USP34: variants seen among roughly 807,000 people sequenced by gnomAD.
The protein encoded by USP34 is ubiquitin specific peptidase 34, also known as ubiquitin carboxyl-terminal hydrolase 34.
A neutral mutation model predicts 460.3 loss-of-function variants in USP34; 70 were observed. The observed-to-expected ratio is 0.15, with a 90% CI of 0.13 to 0.19. The LOEUF is 0.19. USP34 is among the 10% of genes least tolerant of loss of function. The probability of loss-of-function intolerance (pLI) is 1.00; values close to 1 mark genes in which losing one functional copy is unlikely to be tolerated. For missense variants in USP34, 3,985 were observed against 4,236.2 expected (o/e 0.94, Z 1.65); for synonymous variants, 1,647 against 1,405.3 (o/e 1.17, Z -3.85).
At chr2:61,232,412 T>C (rs1286943941) in intron 58 of USP34, 40 bp downstream of exon 58, 1 of 1,482,382 alleles carries the variant, frequency 6.7e-7, no homozygotes, top group Non-Finnish European at 9.4e-7. Flanking sequence ...GAAAGTAACT[T>C]CTTTTCCAAA....
intron 29 of USP34, among the ~76,000 whole-genome samples, chr2:61,297,224 C>G (rs1690056491): frequency 1.3e-5 from 2 of 152,170 alleles, no homozygotes; most frequent in African/African-American, 2.4e-5. Flanking sequence ...CCAGAAAATT[C>G]TAACAAATTT....
intron 41 of USP34, among the ~76,000 whole-genome samples, chr2:61,267,408 A>C (rs1029753018): frequency 1.1e-4 from 16 of 152,004 alleles, no homozygotes; most frequent in African/African-American, 2.9e-4. Context: ...AAGAAACGTT[A>C]AGTTTAGCTA....
intron 1 of USP34, among the ~76,000 whole-genome samples, chr2:61,451,423 G>A (rs983664720): frequency 6.6e-6 from 1 of 150,840 alleles, no homozygotes; most frequent in Admixed American, 6.6e-5. Flanking sequence ...GGTGGCTCAC[G>A]CCTGTAATCC....
intron 75 of USP34, chr2:61,200,852 A>G (rs1023682264): frequency 2.0e-5 from 3 of 152,276 alleles, no homozygotes; most frequent in African/African-American, 7.2e-5. Context: ...GGTCAGCTCA[A>G]ACTGTGGGAC....
chr2:61,464,284 A>G (rs1695697830), intron 1 of USP34, among the ~76,000 whole-genome samples: 1 of 152,250 alleles, frequency 6.6e-6, no homozygotes, highest in Admixed American at 6.5e-5. Flanking sequence ...GTGCCATTGC[A>G]CTGCAGCCTG....
rs115884211 is a variant in USP34, at chr2:61,255,829, G to C, written c.6221+555C>G. Among the ~76,000 whole-genome samples the C allele has an allele frequency of 5.8e-3, 883 of 152,184 alleles. 11 individuals are homozygous for C. The highest frequency in any genetic ancestry group is 0.02 in the African/African-American group (838 of 41,516). On this transcript the variant is annotated intron_variant, in intron 48 of 79. Coordinates refer to ENST00000398571, the MANE Select transcript of USP34 (RefSeq NM_014709.4). ...CACTTAGTAGCTCTCTTATTACATG[G>C]GCTGTCATAGTATTGCAATGCTTCT... is the stretch of plus-strand genomic sequence containing the variant.
At chr2:61,335,419 C>CA (rs1691387237) in intron 18 of USP34, among the ~76,000 whole-genome samples, 5 of 152,122 alleles carry the variant, frequency 3.3e-5, no homozygotes. Flanking sequence ...TCCTAGGCAA[C>CA]AATGTGGTTA....
intron 10 of USP34, among the ~76,000 whole-genome samples, chr2:61,351,143 CTT>C (rs1459982634): frequency 2.6e-5 from 4 of 152,084 alleles, no homozygotes; most frequent in Admixed American, 2.6e-4. Flanking sequence ...GGGAAGATCT[CTT>C]GATTCCAATG....
intron 41 of USP34, 148 bp downstream of exon 41, chr2:61,278,015 ACT>A: frequency 9.8e-7 from 1 of 1,017,004 alleles, no homozygotes; most frequent in Non-Finnish European, 1.4e-6. Flanking sequence ...GCCACATGGA[ACT>A]CTGAGTCGAA....
At chr2:61,378,522 A>G in intron 7 of USP34, 98 bp from the exon 8 acceptor site, 2 of 696,716 alleles carry the variant, frequency 2.9e-6, no homozygotes, top group Non-Finnish European at 2.4e-6. Flanking sequence ...ACATATGTAG[A>G]TCACAATAAC....
Position 61,228,676 on chromosome 2 carries a change from T to G in USP34, c.7412A>C (p.His2471Pro). ...LSLQAISTMV[H>P]FYMGTKGPEN... ...AGGTCCTTTTGTTCCCATGTAAAAA[T>G]GTACCATTGTAGATATAGCTTGCAA... is the stretch of plus-strand genomic sequence containing the variant. Residue 2471 changes from histidine to proline, a missense_variant, in exon 61 of 80, where the codon CAT (histidine) becomes CCT (proline). His to Pro is a moderately conservative substitution (Grantham distance 77, BLOSUM62 -2). Around this residue, in one of 14 missense-constraint regions of USP34, gnomAD observed 604 missense variants for 684.8 expected, o/e 0.88. Transcript: ENST00000398571. 1.2e-6 allele frequency: 2 copies of G among 1,612,006 alleles called. No individual in the cohort carries two copies. The highest frequency in any genetic ancestry group is 1.7e-6 in the Non-Finnish European group (2 of 1,179,242).
intron 10 of USP34, among the ~76,000 whole-genome samples, chr2:61,363,058 C>T (rs1471090385): frequency 2.0e-5 from 3 of 152,128 alleles, no homozygotes; most frequent in African/African-American, 7.2e-5. Flanking sequence ...CATGAACAGA[C>T]ATTTCTCCGA....
chr2:61,284,990 A>C, intron 34 of USP34, 33 bp from the exon 35 acceptor site: 1 of 1,539,382 alleles, frequency 6.5e-7, no homozygotes, highest in Non-Finnish European at 8.9e-7. Context: ...AAGATATTTA[A>C]ATACAGCAAA....
At chr2:61,285,041 G>C (rs1470615822) in intron 34 of USP34, 84 bp from the exon 35 acceptor site, 2 of 1,078,244 alleles carry the variant, frequency 1.9e-6, no homozygotes, top group Non-Finnish European at 2.7e-6. Context: ...AGTTACTAAA[G>C]AGATGTGTAT....
rs538085004 is a variant in USP34 at position 61,318,832 on chromosome 2, T to A, written c.3168+341A>T. Among the ~76,000 whole-genome samples, 4 of 152,330 alleles carry A rather than the reference T, an allele frequency of 2.6e-5. No individual in the cohort carries two copies. The South Asian group carries it at 8.3e-4, about 32-fold the overall frequency. On this transcript the variant is annotated intron_variant, in intron 22 of 79. Transcript: ENST00000398571. ...AAAACAGCTCTCACACTTGTGGGTGTGGGCACCACCCCTGAAAATTGGACT... is the reference window on the plus strand; with the variant it reads ...AAAACAGCTCTCACACTTGTGGGTGAGGGCACCACCCCTGAAAATTGGACT...
At chr2:61,349,204 T>TA (rs751753867) in intron 13 of USP34, 46 bp downstream of exon 13, 3 of 1,589,504 alleles carry the variant, frequency 1.9e-6, no homozygotes, top group Non-Finnish European at 2.6e-6. Flanking sequence ...AAAACCACTA[T>TA]AAAAAACTAA....
intron 1 of USP34, among the ~76,000 whole-genome samples, chr2:61,422,765 A>T (rs985855142): frequency 3.3e-5 from 5 of 152,140 alleles, no homozygotes; most frequent in Admixed American, 6.5e-5. Context: ...TTGGAAGGCC[A>T]AGGCGGGCAG....
chr2:61,456,471 T>A (rs886995935), intron 1 of USP34, among the ~76,000 whole-genome samples: 1 of 152,226 alleles, frequency 6.6e-6, no homozygotes, highest in African/African-American at 2.4e-5. Flanking sequence ...TTTCTCCGCA[T>A]AGTTTAAGTA....
intron 48 of USP34, among the ~76,000 whole-genome samples, chr2:61,254,084 C>A (rs974614632): frequency 6.6e-6 from 1 of 152,136 alleles, no homozygotes; most frequent in East Asian, 1.9e-4. Flanking sequence ...CCATGTGTCC[C>A]GACAATGTTG....
Sources: allele counts gnomAD v4.1 joint callset (sites outside exome capture counted in the v4.1 genomes callset), GRCh38; gene constraint gnomAD v4.1.1; regional missense constraint gnomAD v4.1.1; transcripts MANE v1.5; gene names NCBI Gene and HGNC (gene_info 2026-07-23, HGNC 2026-07-21).